Variants in ARNT2 observed in about 807,000 individuals in gnomAD.
The protein encoded by ARNT2 is aryl hydrocarbon receptor nuclear translocator 2.
A neutral mutation model predicts 91.7 loss-of-function variants in ARNT2; 36 were observed. The observed-to-expected ratio is 0.39, with a 90% confidence interval of 0.30 to 0.52. The LOEUF (loss-of-function observed/expected upper bound fraction) is 0.52, where lower values mean the gene tolerates loss of function less well. Among genes scored for constraint, ARNT2 ranks in the 20% least tolerant of loss-of-function variants. The pLI is 0.72. For synonymous variants in ARNT2, 365 were observed against 347.1 expected (o/e 1.05, Z -0.57); for missense variants, 775 against 939.3 (o/e 0.83, Z 2.29).
intron 13 of ARNT2, 63 bp from the exon 14 acceptor site, chr15:80,574,924 G>C: frequency 1.3e-6 from 2 of 1,561,240 alleles, no homozygotes; most frequent in South Asian, 2.4e-5. Context: ...GGTGGCTCCT[G>C]GGGACGCATG....
intron 2 of ARNT2, among the ~76,000 whole-genome samples, chr15:80,456,083 A>G (rs1896477711): frequency 6.6e-6 from 1 of 152,170 alleles, no homozygotes; most frequent in Non-Finnish European, 1.5e-5. Context: ...TTTCCGAGAA[A>G]GGTGGGGTGA....
chr15:80,476,120 T>C (rs1356003798), intron 5 of ARNT2, among the ~76,000 whole-genome samples: 2 of 152,196 alleles, frequency 1.3e-5, no homozygotes, highest in African/African-American at 4.8e-5. Context: ...CATATGGCAG[T>C]TGAGTTTGAA....
At chr15:80,477,017 T>C (rs894140099) in intron 5 of ARNT2, among the ~76,000 whole-genome samples, 3 of 152,194 alleles carry the variant, frequency 2.0e-5, no homozygotes, top group Non-Finnish European at 2.9e-5. Flanking sequence ...CAAGATCTGG[T>C]TGTGTGTAGT....
intron 8 of ARNT2, among the ~76,000 whole-genome samples, chr15:80,547,775 G>A (rs1005207131): frequency 6.6e-6 from 1 of 152,076 alleles, no homozygotes; most frequent in Admixed American, 6.5e-5. Context: ...TGAGATACAT[G>A]GTGGTATTAA....
chr15:80,563,052 C>T, intron 11 of ARNT2, 36 bp from the exon 12 acceptor site: 1 of 1,613,282 alleles, frequency 6.2e-7, no homozygotes. Flanking sequence ...CACCATCCTT[C>T]CTCCTGCTGA....
chr15:80,563,843 C>T (rs557923290), intron 12 of ARNT2, among the ~76,000 whole-genome samples: 1 of 152,204 alleles, frequency 6.6e-6, no homozygotes, highest in Non-Finnish European at 1.5e-5. Context: ...CCTGGCTGTG[C>T]GTCCTTGAAC....
intron 1 of ARNT2, chr15:80,433,866 G>A (rs897604691): frequency 3.9e-5 from 6 of 151,926 alleles, no homozygotes; most frequent in Admixed American, 6.6e-5. Context: ...AGGATTAGAC[G>A]AAAAGGGCAT....
At position 80,552,797 on chromosome 15, in the gene ARNT2, A is replaced by G. The variant is rs774724607; in HGVS notation, c.1089+23A>G. On this transcript the variant is annotated intron_variant, in intron 10 of 18. Coordinates refer to ENST00000303329, the MANE Select transcript of ARNT2 (RefSeq NM_014862.4). Reference sequence around the variant, plus strand: ...CAGGTGAGTAGATAGTTTTGAGCCTATGGCAATTGACTAGAGATTTAATTG... The same window carrying G: ...CAGGTGAGTAGATAGTTTTGAGCCTGTGGCAATTGACTAGAGATTTAATTG... 2.8e-5 allele frequency: 45 copies of G among 1,607,100 alleles called. No homozygotes were observed. The East Asian group carries it at 4.0e-4, about 14-fold the overall frequency.
intron 8 of ARNT2, among the ~76,000 whole-genome samples, chr15:80,532,562 T>C (rs1025026376): frequency 1.3e-5 from 2 of 152,144 alleles, no homozygotes; most frequent in African/African-American, 4.8e-5. Flanking sequence ...GATGCATGCT[T>C]TGCTCCATGT....
At chr15:80,535,764 CG>C (rs1296992353) in intron 8 of ARNT2, among the ~76,000 whole-genome samples, 1 of 151,502 alleles carries the variant, frequency 6.6e-6, no homozygotes, top group Non-Finnish European at 1.5e-5. Context: ...TAAAAGGCCC[CG>C]GACATGCTTT....
rs921599572 is a variant in ARNT2 at position 80,574,882 on chromosome 15, C to G, written c.1390-105C>G. On this transcript the variant is annotated intron_variant, in intron 13 of 18. Coordinates refer to ENST00000303329, the MANE Select transcript of ARNT2 (RefSeq NM_014862.4). The stretch of plus-strand genomic sequence containing the variant: ...GTTCCAGCCCAAAATGCCAGTGATT[C>G]CAGAGGGAGGGGGCTCTGATGAAGG... 4 of 1,382,506 alleles carry G rather than the reference C, an allele frequency of 2.9e-6. No homozygotes were observed. In the African/African-American group the frequency reaches 5.8e-5, roughly 20 times the overall value. 85.6% of individuals were successfully genotyped at this position (1,382,506 alleles called of 1,614,324 possible).
chr15:80,465,937 G>C (rs1896645796), intron 3 of ARNT2, among the ~76,000 whole-genome samples: 1 of 152,178 alleles, frequency 6.6e-6, no homozygotes, highest in Non-Finnish European at 1.5e-5. Context: ...CTCACTCTCT[G>C]TTGCCCCTGC....
chr15:80,587,964 T>C (rs1242622004), intron 17 of ARNT2, among the ~76,000 whole-genome samples: 2 of 152,156 alleles, frequency 1.3e-5, no homozygotes, highest in East Asian at 1.9e-4. Context: ...TGTTACTACA[T>C]AGACCGCGGT....
chr15:80,473,767 A>G (rs1170226039), intron 4 of ARNT2, among the ~76,000 whole-genome samples: 1 of 152,206 alleles, frequency 6.6e-6, no homozygotes, highest in Admixed American at 6.5e-5. Context: ...GCTCATCAGC[A>G]TATCAATGTT....
intron 1 of ARNT2, among the ~76,000 whole-genome samples, chr15:80,442,344 C>T (rs1896205651): frequency 6.6e-6 from 1 of 152,204 alleles, no homozygotes; most frequent in African/African-American, 2.4e-5. Flanking sequence ...TCTTCCCAGC[C>T]TTCCCCACCA....
At chr15:80,471,364 T>C (rs768461140) in intron 4 of ARNT2, among the ~76,000 whole-genome samples, 2 of 151,966 alleles carry the variant, frequency 1.3e-5, no homozygotes, top group African/African-American at 2.4e-5. Flanking sequence ...ACAACAGACA[T>C]TGGAGCCTCC....
intron 12 of ARNT2, among the ~76,000 whole-genome samples, chr15:80,572,366 G>T (rs1898599269): frequency 6.6e-6 from 1 of 152,006 alleles, no homozygotes; most frequent in South Asian, 2.1e-4. Flanking sequence ...TTTGTTTACA[G>T]TTTTGTTACA....
At chr15:80,561,811 A>G (rs1396484353) in intron 11 of ARNT2, among the ~76,000 whole-genome samples, 1 of 152,202 alleles carries the variant, frequency 6.6e-6, no homozygotes, top group Non-Finnish European at 1.5e-5. Flanking sequence ...GCATTCAAGT[A>G]GCCCTTATTT....
At chr15:80,421,060 A>G (rs1333348239) in intron 1 of ARNT2, among the ~76,000 whole-genome samples, 1 of 152,198 alleles carries the variant, frequency 6.6e-6, no homozygotes, top group Non-Finnish European at 1.5e-5. Flanking sequence ...ACACCATGGA[A>G]TACTACTCAG....
Sources: gnomAD v4.1 joint callset for allele counts (sites outside exome capture counted in the v4.1 genomes callset) on GRCh38, gnomAD v4.1.1 for gene constraint, MANE v1.5 for transcripts, NCBI Gene and HGNC (gene_info 2026-07-23, HGNC 2026-07-21) for gene names.